The following SEM1 variants were observed in gnomAD, a reference collection of about 807,000 sequenced individuals.
The protein encoded by SEM1 is 26S proteasome complex subunit SEM1.
Under a neutral mutation model 12.7 loss-of-function variants are expected in SEM1, and 3 were observed. That is an observed-to-expected ratio of 0.24 (90% CI 0.11 to 0.61). The LOEUF is 0.61. SEM1 is among the 20% of genes least tolerant of loss of function. The pLI is 0.88. For synonymous variants in SEM1, 30 were observed against 27.8 expected (o/e 1.08, Z -0.25); for missense variants, 59 against 81.3 (o/e 0.73, Z 1.06).
At chr7:96,485,375 C>CT (rs973038246) in intron 2 of SEM1, among the ~76,000 whole-genome samples, 3 of 151,998 alleles carry the variant, frequency 2.0e-5, no homozygotes, top group African/African-American at 7.2e-5. Flanking sequence ...GATTCCTTGA[C>CT]TTTTTCAGCA....
At chr7:96,681,371 T>C (rs1026907388) in intron 2 of SEM1, among the ~76,000 whole-genome samples, 6 of 152,048 alleles carry the variant, frequency 3.9e-5, no homozygotes, top group African/African-American at 1.4e-4. Flanking sequence ...AGGTAATAAT[T>C]GCAGTAAATC....
intron 1 of SEM1, among the ~76,000 whole-genome samples, chr7:96,704,699 T>C (rs1790391767): frequency 1.3e-5 from 2 of 152,210 alleles, no homozygotes; most frequent in Non-Finnish European, 1.5e-5. Flanking sequence ...GTTTAATGGT[T>C]ATGTCCACTA....
intron 2 of SEM1, chr7:96,622,803 G>T: frequency 1.9e-6 from 1 of 537,896 alleles, no homozygotes; most frequent in Non-Finnish European, 3.3e-6. Flanking sequence ...TAGAAATGTG[G>T]CATTTTCAAA....
intron 2 of SEM1, among the ~76,000 whole-genome samples, chr7:96,578,405 T>C (rs989745833): frequency 5.9e-5 from 9 of 151,952 alleles, no homozygotes; most frequent in Admixed American, 3.9e-4. Context: ...CAAATGACAA[T>C]TTGATTGAGA....
chr7:96,626,225 G>A (rs1405266901), intron 2 of SEM1, among the ~76,000 whole-genome samples: 1 of 151,936 alleles, frequency 6.6e-6, no homozygotes, highest in Admixed American at 6.6e-5. Flanking sequence ...ACGTCCATAA[G>A]TGCAATTGCT....
At chr7:96,631,070 T>C (rs1312404401) in intron 2 of SEM1, among the ~76,000 whole-genome samples, 2 of 151,936 alleles carry the variant, frequency 1.3e-5, no homozygotes, top group East Asian at 1.9e-4. Context: ...AGGGTCTCTT[T>C]TGGAGCCACA....
chr7:96,496,131 T>C (rs920237644), intron 1 of SEM1, among the ~76,000 whole-genome samples: 6 of 152,180 alleles, frequency 3.9e-5, no homozygotes, highest in African/African-American at 1.4e-4. Flanking sequence ...AGCATCAGAA[T>C]ACCCAGAGCT....
chr7:96,700,662 T>C (rs986933834), intron 1 of SEM1, among the ~76,000 whole-genome samples: 7 of 152,226 alleles, frequency 4.6e-5, no homozygotes, highest in East Asian at 1.9e-4. Flanking sequence ...CATCTTTCAA[T>C]GAGTAATGTT....
chr7:96,685,113 A>G (rs1185787573), downstream of SEM1, among the ~76,000 whole-genome samples: 1 of 152,152 alleles, frequency 6.6e-6, no homozygotes, highest in Middle Eastern at 3.2e-3. Context: ...ATGTTTAAAA[A>G]TATACAGTGC....
At chr7:96,636,954 T>G (rs773400541) in intron 2 of SEM1, among the ~76,000 whole-genome samples, 12 of 152,044 alleles carry the variant, frequency 7.9e-5, no homozygotes, top group Non-Finnish European at 1.5e-4. Flanking sequence ...TGGAGATACC[T>G]CCTTAAAATT....
intron 2 of SEM1, among the ~76,000 whole-genome samples, chr7:96,693,362 A>G (rs185740447): frequency 1.1e-3 from 174 of 152,168 alleles, no homozygotes; most frequent in African/African-American, 4.1e-3. Context: ...ATGGTGCTGG[A>G]AAGACTAGAC....
chr7:96,574,726 G>A (rs1235283436), intron 2 of SEM1, among the ~76,000 whole-genome samples: 4 of 152,034 alleles, frequency 2.6e-5, no homozygotes, highest in Admixed American at 2.6e-4. Flanking sequence ...TTCAATCTCT[G>A]ATATCCTTTG....
intron 2 of SEM1, among the ~76,000 whole-genome samples, chr7:96,596,790 C>T (rs77262669): frequency 0.042 from 6,401 of 152,162 alleles, 187 homozygotes; most frequent in Admixed American, 0.086. Flanking sequence ...TTTGTCAAAA[C>T]AAAGACTGTA....
chr7:96,532,913 T>C (rs1804681837), intron 2 of SEM1, among the ~76,000 whole-genome samples: 1 of 152,070 alleles, frequency 6.6e-6, no homozygotes, highest in Non-Finnish European at 1.5e-5. Context: ...CTCTGTGGTA[T>C]TGGTTAATAT....
downstream of SEM1, among the ~76,000 whole-genome samples, chr7:96,687,517 GT>G (rs1352149353): frequency 6.6e-6 from 1 of 151,804 alleles, no homozygotes; most frequent in African/African-American, 2.4e-5. Flanking sequence ...ATCATTCTCA[GT>G]AAACTATCGC....
upstream of SEM1, among the ~76,000 whole-genome samples, chr7:96,498,145 T>C (rs767952930): frequency 3.9e-5 from 6 of 152,160 alleles, no homozygotes; most frequent in Non-Finnish European, 8.8e-5. Context: ...TGCCAAGGAT[T>C]AGAAAAGACA....
chr7:96,542,799 T>C (rs892535308), intron 2 of SEM1, among the ~76,000 whole-genome samples: 6 of 151,790 alleles, frequency 4.0e-5, no homozygotes, highest in African/African-American at 1.5e-4. Context: ...ATGAATAATA[T>C]ATATATCAGG....
intron 2 of SEM1, among the ~76,000 whole-genome samples, chr7:96,613,557 A>G (rs554178672): frequency 6.0e-4 from 91 of 152,316 alleles, no homozygotes; most frequent in African/African-American, 2.1e-3. Context: ...ACTATTTACA[A>G]TCCTTGCTTT....
intron 2 of SEM1, among the ~76,000 whole-genome samples, chr7:96,605,173 C>A (rs1305922895): frequency 6.6e-6 from 1 of 152,078 alleles, no homozygotes; most frequent in Non-Finnish European, 1.5e-5. Context: ...ATGTTGCAAT[C>A]CTAATTTAAA....
Sources: allele counts gnomAD v4.1 joint callset (sites outside exome capture counted in the v4.1 genomes callset), GRCh38; gene constraint gnomAD v4.1.1; transcripts MANE v1.5; gene names NCBI Gene and HGNC (gene_info 2026-07-23, HGNC 2026-07-21).